RASSF3: variants seen among roughly 807,000 people sequenced by gnomAD.
The protein encoded by RASSF3 is Ras association domain family member 3, also known as ras association domain-containing protein 3.
Under a neutral mutation model 19.9 loss-of-function variants are expected in RASSF3, and 19 were observed. The observed-to-expected ratio is 0.96, with a 90% CI of 0.67 to 1.40. The LOEUF (loss-of-function observed/expected upper bound fraction) is 1.40, where lower values mean the gene tolerates loss of function less well. Ranked by LOEUF, RASSF3 falls within the 40% of genes most tolerant of loss-of-function variation. RASSF3 has a pLI of 0.00. For missense variants in RASSF3, 306 were observed against 289.8 expected (o/e 1.06, Z -0.41); for synonymous variants, 110 against 104.2 (o/e 1.06, Z -0.34).
At chr12:64,572,127 G>T (rs904362754) in intron 2 of RASSF3, among the ~76,000 whole-genome samples, 1 of 152,150 alleles carries the variant, frequency 6.6e-6, no homozygotes, top group Admixed American at 6.5e-5. Context: ...GTGTGTGTGT[G>T]TGTGATTATT....
intron 2 of RASSF3, among the ~76,000 whole-genome samples, chr12:64,572,083 G>A (rs946580047): frequency 1.3e-5 from 2 of 152,092 alleles, no homozygotes; most frequent in Non-Finnish European, 2.9e-5. Context: ...TGCCTTCATG[G>A]CACTGATCAC....
intron 1 of RASSF3, among the ~76,000 whole-genome samples, chr12:64,513,452 GA>G (rs67709932): frequency 0.23 from 26,565 of 113,988 alleles, 2,939 homozygotes; most frequent in East Asian, 0.32. Context: ...CTCCATCTCA[GA>G]AAAAAAAAAA....
At chr12:64,636,332 T>A (rs531606911) in intron 1 of RASSF3, among the ~76,000 whole-genome samples, 80 of 152,094 alleles carry the variant, frequency 5.3e-4, no homozygotes, top group Middle Eastern at 6.8e-3. Context: ...CAGGCTGGTC[T>A]TGGATTCCCG....
intron 1 of RASSF3, among the ~76,000 whole-genome samples, chr12:64,518,122 TA>T (rs1056423327): frequency 1.4e-4 from 21 of 152,270 alleles, no homozygotes; most frequent in African/African-American, 4.8e-4. Flanking sequence ...ATTAAAAAGA[TA>T]AAAAATTAAT....
At chr12:64,575,468 A>G (rs1252064931) in intron 2 of RASSF3, among the ~76,000 whole-genome samples, 1 of 152,078 alleles carries the variant, frequency 6.6e-6, no homozygotes, top group Non-Finnish European at 1.5e-5. Flanking sequence ...TAGGAGGATC[A>G]CTTAACGCCA....
chr12:64,595,757 C>A (rs935461731), intron 2 of RASSF3, among the ~76,000 whole-genome samples: 1 of 152,058 alleles, frequency 6.6e-6, no homozygotes, highest in Non-Finnish European at 1.5e-5. Flanking sequence ...AAACAATACC[C>A]CAAAATGAGG....
intron 1 of RASSF3, among the ~76,000 whole-genome samples, chr12:64,642,577 AAAAAAAAAAAAG>A (rs1871578343): frequency 2.7e-5 from 4 of 148,498 alleles, no homozygotes; most frequent in African/African-American, 1.0e-4. Context: ...AAAAAAAAAA[AAAAAAAAAAAAG>A]ATTCATCAAA....
At chr12:64,679,240 T>C (rs1873026080) in intron 1 of RASSF3, among the ~76,000 whole-genome samples, 1 of 152,140 alleles carries the variant, frequency 6.6e-6, no homozygotes, top group Non-Finnish European at 1.5e-5. Flanking sequence ...TTTGTATTTT[T>C]TGTAGAGATG....
intron 1 of RASSF3, among the ~76,000 whole-genome samples, chr12:64,663,935 T>C (rs939815513): frequency 2.7e-5 from 4 of 149,158 alleles, no homozygotes; most frequent in African/African-American, 9.9e-5. Context: ...TAAACCTATA[T>C]ATAAAATATA....
downstream of RASSF3, among the ~76,000 whole-genome samples, chr12:64,543,539 C>A (rs1868993179): frequency 8.6e-6 from 1 of 116,820 alleles, no homozygotes; most frequent in Non-Finnish European, 1.9e-5. Flanking sequence ...CCCCCGCCCC[C>A]CGCCGTGGGC....
chr12:64,684,779 T>G lies in RASSF3; in HGVS notation c.112-8T>G, dbSNP rs1873285096. The G allele has an allele frequency of 6.3e-7, 1 of 1,590,280 alleles. No individual in the cohort carries two copies. Among genetic ancestry groups the G allele is most frequent in the African/African-American group, 1.3e-5 (1 of 74,402 alleles). Reference sequence around the variant, plus strand: ...GCTCACATGTGACATGTCTTGTTTTTCTTCTAGGATGTTGAGAAAGAGAAG... The same window carrying G: ...GCTCACATGTGACATGTCTTGTTTTGCTTCTAGGATGTTGAGAAAGAGAAG... On this transcript the variant is annotated splice_region_variant and splice_polypyrimidine_tract_variant and intron_variant, in intron 1 of 4. Transcript: ENST00000542104.
At chr12:64,667,347 G>C (rs1872562602) in intron 1 of RASSF3, among the ~76,000 whole-genome samples, 1 of 151,898 alleles carries the variant, frequency 6.6e-6, no homozygotes. Context: ...TTCTTTTTGA[G>C]ACAGAGTCTC....
chr12:64,671,420 TACTC>T (rs1414316500), intron 1 of RASSF3, among the ~76,000 whole-genome samples: 1 of 152,114 alleles, frequency 6.6e-6, no homozygotes, highest in Admixed American at 6.5e-5. Context: ...GTTCACTCCT[TACTC>T]ACTCTGAGCC....
Position 64,694,954 on chromosome 12 carries a change from T to TACAAA in RASSF3, c.*46_*50dup. 6.3e-7 allele frequency: 1 copy of TACAAA among 1,598,538 alleles called. No individual in the cohort carries two copies. Among genetic ancestry groups the TACAAA allele is most frequent in the Non-Finnish European group, 8.5e-7 (1 of 1,171,174 alleles). On this transcript the variant is annotated 3_prime_UTR_variant, in exon 5 of 5. Coordinates refer to ENST00000542104, the MANE Select transcript of RASSF3 (RefSeq NM_178169.4). ...CGTGAGGCCCGGTGCAGGACCGATGTACAAAACAGCAGCAAGTGCCTCTCT... is the reference window on the plus strand; with the variant it reads ...CGTGAGGCCCGGTGCAGGACCGATGTACAAAACAAAACAGCAGCAAGTGCCTCTCT...
intron 1 of RASSF3, among the ~76,000 whole-genome samples, chr12:64,673,559 GAGAC>G (rs1006136313): frequency 6.6e-6 from 1 of 152,072 alleles, no homozygotes; most frequent in Non-Finnish European, 1.5e-5. Flanking sequence ...TTTTTCTGTT[GAGAC>G]AGACCCCACA....
intron 2 of RASSF3, among the ~76,000 whole-genome samples, chr12:64,570,829 C>T (rs1869505837): frequency 6.6e-6 from 1 of 152,148 alleles, no homozygotes; most frequent in Admixed American, 6.5e-5. Context: ...CAGCGTGGCT[C>T]CGTGAAGTGT....
At chr12:64,656,537 C>T (rs1436093811) in intron 1 of RASSF3, among the ~76,000 whole-genome samples, 2 of 152,162 alleles carry the variant, frequency 1.3e-5, no homozygotes, top group African/African-American at 4.8e-5. Flanking sequence ...TTCTCCAGAT[C>T]TCCCAAAGCA....
intron 1 of RASSF3, among the ~76,000 whole-genome samples, chr12:64,683,655 C>T (rs1283739520): frequency 6.6e-6 from 1 of 151,998 alleles, no homozygotes; most frequent in Non-Finnish European, 1.5e-5. Flanking sequence ...TACTTTTTGC[C>T]AATAAATATT....
chr12:64,608,976 C>A (rs968486882), upstream of RASSF3, among the ~76,000 whole-genome samples: 1 of 152,128 alleles, frequency 6.6e-6, no homozygotes, highest in African/African-American at 2.4e-5. Flanking sequence ...GGCTGTAACT[C>A]AAAGGCCCTC....
Sources: allele counts gnomAD v4.1 joint callset (sites outside exome capture counted in the v4.1 genomes callset), GRCh38; gene constraint gnomAD v4.1.1; transcripts MANE v1.5; gene names NCBI Gene and HGNC (gene_info 2026-07-23, HGNC 2026-07-21).